MSRB3: variants seen among roughly 807,000 people sequenced by gnomAD.
MSRB3 encodes methionine sulfoxide reductase B3.
A neutral mutation model predicts 21.0 loss-of-function variants in MSRB3; 13 were observed. The observed-to-expected ratio is 0.62, with a 90% CI of 0.40 to 0.98. MSRB3 has a LOEUF of 0.98. Among genes scored for constraint, MSRB3 ranks in the 50% least tolerant of loss-of-function variants. The pLI is 0.00. For synonymous variants in MSRB3, 87 were observed against 88.6 expected, an observed-to-expected ratio of 0.98 and a Z score of 0.10; for missense variants, 199 against 230.3, an observed-to-expected ratio of 0.86 and a Z score of 0.88.
chr12:65,288,087 G>A (rs1196244985), intron 1 of MSRB3, among the ~76,000 whole-genome samples: 1 of 151,868 alleles, frequency 6.6e-6, no homozygotes, highest in Non-Finnish European at 1.5e-5. Context: ...GGCGGATCAC[G>A]AGGTCAAGAG....
chr12:65,325,806 A>G (rs1874987639), intron 2 of MSRB3, among the ~76,000 whole-genome samples: 2 of 152,188 alleles, frequency 1.3e-5, no homozygotes, highest in African/African-American at 4.8e-5. Context: ...TGGATGGCAA[A>G]GAAAAGCAAT....
At chr12:65,396,429 G>A (rs1257508940) in intron 5 of MSRB3, among the ~76,000 whole-genome samples, 4 of 152,138 alleles carry the variant, frequency 2.6e-5, no homozygotes, top group Non-Finnish European at 5.9e-5. Context: ...AGTGGCTCAC[G>A]CCAATAATCC....
chr12:65,402,260 G>A (rs1271618007), intron 5 of MSRB3, among the ~76,000 whole-genome samples: 1 of 152,176 alleles, frequency 6.6e-6, no homozygotes, highest in African/African-American at 2.4e-5. Flanking sequence ...GTCAAACGTA[G>A]GTTGGGTCTT....
Position 65,342,774 on chromosome 12 carries a change from C to T in MSRB3, c.263+14171C>T, listed in dbSNP as rs548540599. ...TATGGTGAAAATATATCTGACATTTCAGATAATAGTGCAAAAGAACATTTA... is the reference window on the plus strand; with the variant it reads ...TATGGTGAAAATATATCTGACATTTTAGATAATAGTGCAAAAGAACATTTA... On this transcript the variant is annotated intron_variant, in intron 4 of 6. Transcript: ENST00000308259. 5.3e-5 allele frequency among the ~76,000 whole-genome samples: 8 copies of T among 151,988 alleles called. No individual in the cohort carries two copies. In the South Asian group the frequency reaches 1.5e-3, roughly 28 times the overall value.
chr12:65,289,624 A>C lies in MSRB3; in HGVS notation c.-52+10759A>C, dbSNP rs192624029. 2.6e-5 allele frequency among the ~76,000 whole-genome samples: 4 copies of C among 152,296 alleles called. No individual in the cohort carries two copies. In the East Asian group the frequency reaches 7.7e-4, roughly 29 times the overall value. ...TTGTTACATGGGTAAAGTACATGTC[A>C]TGGGAGTTTGGTGTACAGATAATTT... On this transcript the variant is annotated intron_variant, in intron 1 of 6. Transcript: ENST00000308259.
At chr12:65,285,488 T>C (rs1258425693) in intron 1 of MSRB3, 1 of 152,018 alleles carries the variant, frequency 6.6e-6, no homozygotes, top group Non-Finnish European at 1.5e-5. Context: ...ATTAAAGAGG[T>C]TTATAAAATG....
chr12:65,395,056 C>CA (rs1377539405), intron 5 of MSRB3, among the ~76,000 whole-genome samples: 3 of 147,866 alleles, frequency 2.0e-5, no homozygotes, highest in African/African-American at 7.5e-5. Flanking sequence ...CCAATTAGGC[C>CA]AAAAAAGAAA....
chr12:65,310,123 A>G (rs1392074225), intron 2 of MSRB3, among the ~76,000 whole-genome samples: 1 of 152,004 alleles, frequency 6.6e-6, no homozygotes, highest in African/African-American at 2.4e-5. Context: ...AATAGCAAAT[A>G]CACTTTTTTT....
chr12:65,346,978 G>A (rs1395222808), intron 4 of MSRB3, among the ~76,000 whole-genome samples: 1 of 152,030 alleles, frequency 6.6e-6, no homozygotes, highest in Non-Finnish European at 1.5e-5. Flanking sequence ...ATGCTGTTTT[G>A]TTACTGTAGC....
intron 5 of MSRB3, among the ~76,000 whole-genome samples, chr12:65,375,595 C>A (rs1468675492): frequency 6.6e-6 from 1 of 151,996 alleles, no homozygotes; most frequent in African/African-American, 2.4e-5. Flanking sequence ...CACCACCATG[C>A]CGGGCCAATT....
intron 5 of MSRB3, among the ~76,000 whole-genome samples, chr12:65,439,790 C>G (rs147571373): frequency 6.1e-4 from 93 of 151,332 alleles, no homozygotes; most frequent in African/African-American, 2.2e-3. Flanking sequence ...CAGAAAACAT[C>G]AAACGAGTAG....
chr12:65,358,286 T>A (rs993692279), intron 4 of MSRB3, among the ~76,000 whole-genome samples: 1 of 151,608 alleles, frequency 6.6e-6, no homozygotes, highest in Non-Finnish European at 1.5e-5. Flanking sequence ...CCCAGCTAAT[T>A]TTTTATTTTT....
chr12:65,350,118 A>C lies in MSRB3; in HGVS notation c.264-18880A>C, dbSNP rs553696126. ...GTAAGGAAGGGATCCAGTTTCAGCT[A>C]TCTACATATGGCTAGCCAGTTTTCC... On this transcript the variant is annotated intron_variant, in intron 4 of 6. Coordinates refer to ENST00000308259, the MANE Select transcript of MSRB3 (RefSeq NM_001031679.3). 9.8e-4 allele frequency among the ~76,000 whole-genome samples: 148 copies of C among 151,794 alleles called. 1 individual carries two copies. Among genetic ancestry groups the C allele is most frequent in the Admixed American group, 1.9e-3 (29 of 15,192 alleles).
chr12:65,377,315 C>T (rs1289828826), intron 5 of MSRB3, among the ~76,000 whole-genome samples: 1 of 152,158 alleles, frequency 6.6e-6, no homozygotes, highest in African/African-American at 2.4e-5. Context: ...GAGTCTTGCT[C>T]TGTTGCCCAG....
intron 2 of MSRB3, 76 bp downstream of exon 2, chr12:65,308,731 A>T: frequency 6.3e-7 from 1 of 1,594,640 alleles, no homozygotes; most frequent in South Asian, 1.1e-5. Flanking sequence ...ATGATACACC[A>T]TCATGCTTTG....
intron 1 of MSRB3, chr12:65,307,124 A>T (rs1489053061): frequency 1.5e-5 from 12 of 776,772 alleles, no homozygotes; most frequent in Non-Finnish European, 1.9e-5. Context: ...TAGACCTTTG[A>T]TCTTTTATTA....
intron 4 of MSRB3, among the ~76,000 whole-genome samples, chr12:65,366,015 A>C (rs547994618): frequency 6.6e-6 from 1 of 152,038 alleles, no homozygotes; most frequent in South Asian, 2.1e-4. Context: ...CTGGGCCCCC[A>C]CCCATTGCTC....
chr12:65,346,029 G>A lies in MSRB3; in HGVS notation c.263+17426G>A, dbSNP rs1257684091. On this transcript the variant is annotated intron_variant, in intron 4 of 6. Transcript: ENST00000308259. Reference sequence around the variant, plus strand: ...TTCCAAGTCTTTGCTATTGTGAATAGTGCCACAGTAAACATATGTGTGCAT... The same window carrying A: ...TTCCAAGTCTTTGCTATTGTGAATAATGCCACAGTAAACATATGTGTGCAT... Among the ~76,000 whole-genome samples the A allele has an allele frequency of 3.3e-5, 5 of 152,186 alleles. No homozygotes were observed. In the South Asian group the frequency reaches 8.3e-4, roughly 25 times the overall value.
chr12:65,418,651 G>GTT (rs375843920), intron 5 of MSRB3: 330 of 501,742 alleles, frequency 6.6e-4, no homozygotes, highest in South Asian at 1.3e-3. Flanking sequence ...TCCATTTTGA[G>GTT]TTTTTTTTTT....
Sources: allele counts gnomAD v4.1 joint callset (sites outside exome capture counted in the v4.1 genomes callset), GRCh38; gene constraint gnomAD v4.1.1; transcripts MANE v1.5; gene names NCBI Gene and HGNC (gene_info 2026-07-23, HGNC 2026-07-21).